GSTCD: variants seen among roughly 807,000 people sequenced by gnomAD.
GSTCD encodes the protein glutathione S-transferase C-terminal domain-containing protein.
Under a neutral mutation model 68.3 loss-of-function variants are expected in GSTCD, and 44 were observed. The observed-to-expected ratio is 0.64, with a 90% confidence interval of 0.51 to 0.83. The LOEUF (loss-of-function observed/expected upper bound fraction) is 0.83, where lower values mean the gene tolerates loss of function less well. Ranked by LOEUF, GSTCD falls within the 40% of genes least tolerant of loss-of-function variation. GSTCD has a pLI of 0.00. For synonymous variants in GSTCD, 273 were observed against 255.2 expected (o/e 1.07, Z -0.67); for missense variants, 739 against 735.9 (o/e 1.00, Z -0.05).
At chr4:105,734,893 C>G (rs1330745440) in intron 5 of GSTCD, among the ~76,000 whole-genome samples, 2 of 152,184 alleles carry the variant, frequency 1.3e-5, no homozygotes, top group African/African-American at 4.8e-5. Context: ...AGTTTTCCTT[C>G]TAACAGTCAG....
At chr4:105,824,717 C>G (rs758737842) in intron 7 of GSTCD, among the ~76,000 whole-genome samples, 13 of 152,142 alleles carry the variant, frequency 8.5e-5, no homozygotes, top group Non-Finnish European at 8.8e-5. Context: ...CTTCTTTTAT[C>G]ATAATTGCAT....
chr4:105,820,889 G>A (rs1416250919), intron 5 of GSTCD, among the ~76,000 whole-genome samples: 1 of 151,718 alleles, frequency 6.6e-6, no homozygotes, highest in Non-Finnish European at 1.5e-5. Context: ...TAATAAAAAT[G>A]TGGTATAGAA....
At chr4:105,769,586 A>G (rs1365008797) in intron 5 of GSTCD, among the ~76,000 whole-genome samples, 1 of 152,116 alleles carries the variant, frequency 6.6e-6, no homozygotes, top group African/African-American at 2.4e-5. Context: ...TTCTCTTCCT[A>G]GAATCTCCAG....
At chr4:105,721,561 G>GA (rs1274191611) in intron 3 of GSTCD, among the ~76,000 whole-genome samples, 1 of 152,040 alleles carries the variant, frequency 6.6e-6, no homozygotes, top group Admixed American at 6.5e-5. Context: ...GTCAAAATTA[G>GA]AAGAACTAGG....
At chr4:105,798,721 G>A (rs1377351914) in intron 5 of GSTCD, among the ~76,000 whole-genome samples, 1 of 18,972 alleles carries the variant, frequency 5.3e-5, no homozygotes, top group Non-Finnish European at 1.5e-4. Flanking sequence ...ATTAAAACAT[G>A]CTCTGAGCAG....
intron 8 of GSTCD, among the ~76,000 whole-genome samples, chr4:105,832,142 T>A (rs1205716720): frequency 6.6e-6 from 1 of 152,280 alleles, no homozygotes. Context: ...AGATCTAATT[T>A]TTATTTTTTT....
intron 11 of GSTCD, chr4:105,843,629 C>G (rs1367608871): frequency 3.3e-5 from 5 of 152,124 alleles, no homozygotes; most frequent in Admixed American, 2.6e-4. Context: ...TTATAAGGAA[C>G]CCACACTCTA....
intron 5 of GSTCD, among the ~76,000 whole-genome samples, chr4:105,787,380 C>T (rs1735504634): frequency 6.6e-6 from 1 of 152,034 alleles, no homozygotes; most frequent in South Asian, 2.1e-4. Context: ...CCCTGTTATG[C>T]TAAAGCTTAC....
At chr4:105,804,537 G>A (rs1736256742) in intron 5 of GSTCD, among the ~76,000 whole-genome samples, 2 of 152,088 alleles carry the variant, frequency 1.3e-5, no homozygotes, top group African/African-American at 4.8e-5. Context: ...ACCTGAGGGT[G>A]TTGTAGAAAT....
At chr4:105,840,060 A>G in intron 10 of GSTCD, 1 of 295,862 alleles carries the variant, frequency 3.4e-6, no homozygotes, top group South Asian at 3.1e-5. Flanking sequence ...CAATTTAGAC[A>G]GCAACCTTTA....
intron 5 of GSTCD, among the ~76,000 whole-genome samples, chr4:105,819,815 A>AT (rs1211329896): frequency 1.3e-5 from 2 of 151,144 alleles, no homozygotes; most frequent in African/African-American, 4.8e-5. Flanking sequence ...TTTGCTCTTG[A>AT]TTTTTTTACC....
In GSTCD at chr4:105,717,950, A is replaced by G. The variant is rs752398024; in HGVS notation, c.337A>G (p.Ile113Val). Residue 113 changes from isoleucine to valine, a missense_variant, in exon 2 of 12, where the codon ATC (isoleucine) becomes GTC (valine). Physicochemically the swap from Ile to Val is conservative, Grantham distance 29. Coordinates refer to ENST00000515279, the MANE Select transcript of GSTCD (RefSeq NM_001370181.1). Reference protein sequence around the residue: ...AGLAVVLRHIIQKSYEADPLK... With the variant: ...AGLAVVLRHIVQKSYEADPLK... ...ACTTGCTGTTGTATTGAGACACATA[A>G]TCCAGAAATCCTATGAAGCAGACCC... 1 of 1,613,966 alleles carries G rather than the reference A, an allele frequency of 6.2e-7. No homozygotes were observed. Among genetic ancestry groups the G allele is most frequent in the East Asian group, 2.2e-5 (1 of 44,880 alleles).
chr4:105,747,990 C>T lies in GSTCD; in HGVS notation c.1240+18491C>T, dbSNP rs536134508. 5.9e-5 allele frequency among the ~76,000 whole-genome samples: 9 copies of T among 152,210 alleles called. No individual in the cohort carries two copies. In the South Asian group the frequency reaches 1.9e-3, roughly 32 times the overall value. ...CTAAAAGTGGCCAGGCATGGTGGCT[C>T]ACTCATGTAATCCCAGCACTTTGGG... On this transcript the variant is annotated intron_variant, in intron 5 of 11. Transcript: ENST00000515279.
chr4:105,736,044 G>A (rs1216979694), intron 5 of GSTCD, among the ~76,000 whole-genome samples: 1 of 136,052 alleles, frequency 7.4e-6, no homozygotes, highest in Non-Finnish European at 1.7e-5. Context: ...TTGGTTTTAA[G>A]CTAAATGATT....
At chr4:105,715,700 TAAAG>T (rs1469091930) in intron 1 of GSTCD, among the ~76,000 whole-genome samples, 2 of 151,632 alleles carry the variant, frequency 1.3e-5, no homozygotes, top group African/African-American at 2.4e-5. Context: ...TTTAAAATAT[TAAAG>T]AAAATTTAGT....
intron 5 of GSTCD, among the ~76,000 whole-genome samples, chr4:105,775,051 T>C (rs1735000210): frequency 6.6e-6 from 1 of 152,186 alleles, no homozygotes; most frequent in Non-Finnish European, 1.5e-5. Context: ...GCTTTGTTCA[T>C]TCCTTTTCAT....
chr4:105,711,575 ATAG>A (rs1732538032), intron 1 of GSTCD, among the ~76,000 whole-genome samples: 1 of 152,228 alleles, frequency 6.6e-6, no homozygotes, highest in Non-Finnish European at 1.5e-5. Flanking sequence ...TAAAGAAATA[ATAG>A]TAGCTAGTAT....
At chr4:105,799,543 G>A (rs567785087) in intron 5 of GSTCD, among the ~76,000 whole-genome samples, 2 of 152,062 alleles carry the variant, frequency 1.3e-5, no homozygotes, top group African/African-American at 4.8e-5. Flanking sequence ...CCCAAGGAGA[G>A]GGAGAGAGAC....
chr4:105,790,200 C>T (rs1267048304), intron 5 of GSTCD, among the ~76,000 whole-genome samples: 2 of 152,054 alleles, frequency 1.3e-5, no homozygotes, highest in Non-Finnish European at 2.9e-5. Flanking sequence ...AAACTACACA[C>T]CTTGATCTGG....
Sources: allele counts gnomAD v4.1 joint callset (sites outside exome capture counted in the v4.1 genomes callset), GRCh38; gene constraint gnomAD v4.1.1; transcripts MANE v1.5; gene names NCBI Gene and HGNC (gene_info 2026-07-23, HGNC 2026-07-21).